The following IQCJ variants were observed in gnomAD, a reference collection of about 807,000 sequenced individuals.
IQCJ encodes the protein IQ motif containing J, also known as IQ domain-containing protein J.
In IQCJ, 9 loss-of-function variants were observed where a neutral mutation model predicts 11.0. The observed-to-expected ratio is 0.82, with a 90% CI of 0.49 to 1.43. The LOEUF is 1.43. Ranked by LOEUF, IQCJ falls within the 40% of genes most tolerant of loss-of-function variation. The pLI is 0.00. For missense variants in IQCJ, 146 were observed against 133.2 expected (o/e 1.10, Z -0.47); for synonymous variants, 55 against 51.3 (o/e 1.07, Z -0.31).
intron 1 of IQCJ, among the ~76,000 whole-genome samples, chr3:159,170,862 G>A (rs1288504886): frequency 1.3e-5 from 2 of 152,100 alleles, no homozygotes; most frequent in Non-Finnish European, 2.9e-5. Flanking sequence ...GAAGTCATCT[G>A]TCATTTTAGT....
chr3:159,139,585 G>C (rs991897697), intron 1 of IQCJ, among the ~76,000 whole-genome samples: 4 of 152,212 alleles, frequency 2.6e-5, no homozygotes, highest in African/African-American at 9.6e-5. Flanking sequence ...TCAGCAGCCA[G>C]AGGTGGTAAC....
chr3:159,220,710 A>G (rs1577090213), intron 1 of IQCJ, among the ~76,000 whole-genome samples: 1 of 152,218 alleles, frequency 6.6e-6, no homozygotes, highest in East Asian at 1.9e-4. Flanking sequence ...ACCACACCCT[A>G]ATGGAGGATC....
chr3:159,135,052 G>A (rs77406740), intron 1 of IQCJ, among the ~76,000 whole-genome samples: 4,548 of 152,250 alleles, frequency 0.03, 303 homozygotes, highest in East Asian at 0.24. Flanking sequence ...CTGGCCAATA[G>A]AGGGAGGCCA....
At chr3:159,111,530 A>C (rs1718633451) in intron 1 of IQCJ, among the ~76,000 whole-genome samples, 1 of 152,190 alleles carries the variant, frequency 6.6e-6, no homozygotes, top group Non-Finnish European at 1.5e-5. Context: ...TCTGCAGCTA[A>C]TCTGAGCATC....
chr3:159,237,782 A>G (rs1373501017), intron 1 of IQCJ, among the ~76,000 whole-genome samples: 1 of 152,228 alleles, frequency 6.6e-6, no homozygotes, highest in African/African-American at 2.4e-5. Flanking sequence ...GTCCTTGAGT[A>G]GTGACAGCTT....
intron 1 of IQCJ, among the ~76,000 whole-genome samples, chr3:159,119,584 T>A (rs1435015290): frequency 6.6e-6 from 1 of 152,222 alleles, no homozygotes; most frequent in Non-Finnish European, 1.5e-5. Context: ...AGTAAAGTTG[T>A]ATATAGAGAG....
At chr3:159,216,711 A>T (rs1725255674) in intron 1 of IQCJ, among the ~76,000 whole-genome samples, 2 of 152,074 alleles carry the variant, frequency 1.3e-5, no homozygotes, top group African/African-American at 4.8e-5. Context: ...TCCCAAAATG[A>T]GCTTGTAGAA....
At chr3:159,234,833 T>C (rs1479633607) in intron 1 of IQCJ, among the ~76,000 whole-genome samples, 2 of 152,112 alleles carry the variant, frequency 1.3e-5, no homozygotes, top group Non-Finnish European at 2.9e-5. Flanking sequence ...GATTGCTTCT[T>C]CACAACATCA....
chr3:159,262,667 C>T lies in IQCJ; in HGVS notation c.275C>T (p.Ser92Phe), dbSNP rs758844693. 1 of 1,613,974 alleles carries T rather than the reference C, an allele frequency of 6.2e-7. No homozygotes were observed. The change falls in exon 4 of 4, where the codon TCC (serine) becomes TTC (phenylalanine). Residue 92 changes from serine to phenylalanine, a missense_variant. By Grantham distance (155) the Ser-to-Phe change is radical. Transcript: ENST00000397832. The part of the protein sequence containing the change: ...LSSSVSMNTF[S>F]DSSTPVSVMF... Reference sequence around the variant, plus strand: ...AGCTCTGTCAGCATGAACACCTTCTCCGACAGCAGCACACCCGTGAGTGTC... The same window carrying T: ...AGCTCTGTCAGCATGAACACCTTCTTCGACAGCAGCACACCCGTGAGTGTC...
intron 1 of IQCJ, among the ~76,000 whole-genome samples, chr3:159,184,129 T>A (rs1390563671): frequency 6.6e-6 from 1 of 152,062 alleles, no homozygotes; most frequent in Non-Finnish European, 1.5e-5. Flanking sequence ...GTTTGTGTGA[T>A]TCACCCCCGC....
At chr3:159,139,945 G>A (rs1577034677) in intron 1 of IQCJ, among the ~76,000 whole-genome samples, 1 of 152,140 alleles carries the variant, frequency 6.6e-6, no homozygotes, top group East Asian at 1.9e-4. Flanking sequence ...TTCTGACTGA[G>A]CACTCTAAAG....
rs150746784 is a variant in IQCJ, at chr3:159,245,816, G to A, written c.10-27G>A. On this transcript the variant is annotated intron_variant, in intron 1 of 3. Coordinates refer to ENST00000397832, the MANE Select transcript of IQCJ (RefSeq NM_001042706.3). ...GCTCGGAAGTAGCTGGTGACAATTT[G>A]TAAGATATATCTTCTCTTTTTCACA... is the stretch of plus-strand genomic sequence containing the variant. 91 of 1,524,064 alleles carry A rather than the reference G, an allele frequency of 6.0e-5. No individual in the cohort carries two copies. In the African/African-American group the frequency reaches 1.1e-3, roughly 19 times the overall value. The allele number at this position is 1,524,064 out of a possible 1,614,324, so 94.4% of individuals were successfully genotyped here. A position where few individuals can be genotyped will look rare whatever the true frequency, so the allele number is the denominator to read the frequency against.
At chr3:159,088,804 T>A (rs552862918) in intron 1 of IQCJ, among the ~76,000 whole-genome samples, 405 of 152,272 alleles carry the variant, frequency 2.7e-3, no homozygotes, top group African/African-American at 9.3e-3. Context: ...ATTTTGAGCC[T>A]ATGTGTGTCT....
intron 1 of IQCJ, among the ~76,000 whole-genome samples, chr3:159,085,792 A>T (rs1197217915): frequency 2.7e-5 from 4 of 149,164 alleles, no homozygotes; most frequent in Non-Finnish European, 4.4e-5. Context: ...AATTTGTTTG[A>T]GTTCATTGTA....
intron 1 of IQCJ, among the ~76,000 whole-genome samples, chr3:159,081,935 G>A (rs1716341453): frequency 6.6e-6 from 1 of 152,076 alleles, no homozygotes; most frequent in Non-Finnish European, 1.5e-5. Context: ...CCTCATGCTT[G>A]TATTCAAACA....
Position 159,090,833 on chromosome 3 carries a change from G to T in IQCJ, c.9+21392G>T, listed in dbSNP as rs187475201. 3.5e-3 allele frequency among the ~76,000 whole-genome samples: 539 copies of T among 151,932 alleles called. 22 individuals are homozygous for T. Among genetic ancestry groups the T allele is most frequent in the African/African-American group, 0.012 (515 of 41,230 alleles). On this transcript the variant is annotated intron_variant, in intron 1 of 3. Transcript: ENST00000397832. The stretch of plus-strand genomic sequence containing the variant: ...TTTTCACAAAATTAATCAATTGGAA[G>T]GAATCGACAAAATTGTTCAGTTGTC...
chr3:159,247,758 G>A (rs974618975), intron 2 of IQCJ, among the ~76,000 whole-genome samples: 4 of 152,184 alleles, frequency 2.6e-5, no homozygotes, highest in Non-Finnish European at 4.4e-5. Context: ...TGGGGGAGAA[G>A]GGTTCTAGTT....
chr3:159,216,517 C>T (rs955105591), intron 1 of IQCJ, among the ~76,000 whole-genome samples: 2 of 152,122 alleles, frequency 1.3e-5, no homozygotes, highest in African/African-American at 4.8e-5. Context: ...ATTTAATAAA[C>T]ATCCAGCCCC....
intron 1 of IQCJ, among the ~76,000 whole-genome samples, chr3:159,170,474 G>T: frequency 6.6e-6 from 1 of 152,282 alleles, no homozygotes; most frequent in African/African-American, 2.4e-5. Context: ...CTAACATTCA[G>T]TTTTGGCCGG....
Sources: gnomAD v4.1 joint callset for allele counts (sites outside exome capture counted in the v4.1 genomes callset) on GRCh38, gnomAD v4.1.1 for gene constraint, MANE v1.5 for transcripts, NCBI Gene and HGNC (gene_info 2026-07-23, HGNC 2026-07-21) for gene names.